Variants in NOL4L observed in about 807,000 individuals in gnomAD.
The protein encoded by NOL4L is nucleolar protein 4 like, also known as nucleolar protein 4-like.
In NOL4L, 7 loss-of-function variants were observed where a neutral mutation model predicts 64.5. The ratio of observed to expected loss-of-function variants is 0.11; its 90% CI spans 0.06 to 0.20. The LOEUF (loss-of-function observed/expected upper bound fraction) is 0.20, where lower values mean the gene tolerates loss of function less well. NOL4L is among the 10% of genes least tolerant of loss of function. The pLI, the probability that NOL4L is intolerant of heterozygous loss-of-function variation, is 1.00. For synonymous variants in NOL4L, 413 were observed against 401.0 expected, an observed-to-expected ratio of 1.03 and a Z score of -0.36; for missense variants, 680 against 967.1, an observed-to-expected ratio of 0.70 and a Z score of 3.94.
chr20:32,561,937 C>T (rs763999434), intron 1 of NOL4L, among the ~76,000 whole-genome samples: 1 of 152,046 alleles, frequency 6.6e-6, no homozygotes. Flanking sequence ...TGCAATGAGC[C>T]GTGGTCATGC....
At chr20:32,541,008 T>TACACACAC (rs10675320) in intron 1 of NOL4L, among the ~76,000 whole-genome samples, 17,156 of 133,418 alleles carry the variant, frequency 0.13, 1,401 homozygotes, top group East Asian at 0.19. Flanking sequence ...CGCCACCCCC[T>TACACACAC]ACACACACAC....
In NOL4L at chr20:32,490,697, T is replaced by C. The variant is rs188595143; in HGVS notation, c.700-15955A>G. Among the ~76,000 whole-genome samples the C allele has an allele frequency of 1.9e-3, 289 of 152,348 alleles. 4 individuals are homozygous for C. The highest frequency in any genetic ancestry group is 6.6e-3 in the African/African-American group (276 of 41,582). On this transcript the variant is annotated intron_variant, in intron 4 of 10. Transcript: ENST00000621426. ...ACGAATACAACTAACTGAGCCTGAC[T>C]TGTTGAAATACATTCTCCTGAAAAC...
At chr20:32,506,662 C>CAAAT (rs1044730750) in intron 4 of NOL4L, among the ~76,000 whole-genome samples, 2 of 152,046 alleles carry the variant, frequency 1.3e-5, no homozygotes. Context: ...ACTCCATCTC[C>CAAAT]AAATAAATAA....
At chr20:32,577,014 C>A (rs962989393) in intron 1 of NOL4L, among the ~76,000 whole-genome samples, 2 of 152,220 alleles carry the variant, frequency 1.3e-5, no homozygotes, top group African/African-American at 4.8e-5. Flanking sequence ...TCAGACAGAG[C>A]CCTGGAGCTC....
At chr20:32,489,069 A>C (rs1381513390) in intron 4 of NOL4L, among the ~76,000 whole-genome samples, 9 of 79,156 alleles carry the variant, frequency 1.1e-4, no homozygotes, top group African/African-American at 3.8e-4. Flanking sequence ...CTTTTTATTT[A>C]GTTTATGACA....
intron 4 of NOL4L, chr20:32,485,808 C>G: frequency 2.1e-6 from 1 of 469,498 alleles, no homozygotes. Flanking sequence ...CTTTCCCCAC[C>G]ACATTTTCAG....
chr20:32,454,839 G>A (rs929538931), intron 6 of NOL4L, among the ~76,000 whole-genome samples: 2 of 152,198 alleles, frequency 1.3e-5, no homozygotes, highest in Admixed American at 6.5e-5. Flanking sequence ...GGCACAGCCC[G>A]GAAGGGAACA....
At chr20:32,575,219 C>A (rs897808653) in intron 1 of NOL4L, among the ~76,000 whole-genome samples, 5 of 152,174 alleles carry the variant, frequency 3.3e-5, no homozygotes, top group African/African-American at 1.2e-4. Flanking sequence ...TCTCCTCCAT[C>A]TGGCCCCAAC....
intron 4 of NOL4L, among the ~76,000 whole-genome samples, chr20:32,489,751 G>C (rs1463356203): frequency 2.0e-5 from 3 of 150,358 alleles, no homozygotes; most frequent in Non-Finnish European, 4.4e-5. Context: ...CAGAGCTTGC[G>C]GTTAGCCGAG....
At chr20:32,582,298 C>T (rs1168214372) in intron 1 of NOL4L, among the ~76,000 whole-genome samples, 1 of 152,140 alleles carries the variant, frequency 6.6e-6, no homozygotes, top group African/African-American at 2.4e-5. Context: ...TTGGGGAGGG[C>T]TCATTATTGG....
rs900653164 is a variant in NOL4L, at chr20:32,447,098, C to T, written c.*498G>A. On this transcript the variant is annotated 3_prime_UTR_variant, in exon 11 of 11. Transcript: ENST00000621426. ...GGAATGTTAGGTATGGGGATACATCCTTCTGATCAGACAGACACAGACTAG... is the reference window on the plus strand; with the variant it reads ...GGAATGTTAGGTATGGGGATACATCTTTCTGATCAGACAGACACAGACTAG... 2 of 401,402 alleles carry T rather than the reference C, an allele frequency of 5.0e-6. No homozygotes were observed. The highest frequency in any genetic ancestry group is 9.9e-6 in the Non-Finnish European group (2 of 202,436). 24.9% of individuals were successfully genotyped at this position (401,402 alleles called of 1,614,324 possible).
At chr20:32,583,057 AG>A in intron 1 of NOL4L, among the ~76,000 whole-genome samples, 1 of 152,048 alleles carries the variant, frequency 6.6e-6, no homozygotes, top group Admixed American at 6.5e-5. Context: ...CCCCTCGGGG[AG>A]CCCGGTCCCG....
intron 1 of NOL4L, among the ~76,000 whole-genome samples, chr20:32,542,989 C>T (rs1458473705): frequency 2.1e-4 from 32 of 152,088 alleles, no homozygotes; most frequent in Admixed American, 2.0e-3. Flanking sequence ...CAGCCGTTCT[C>T]GATAAACACG....
At chr20:32,462,309 G>A (rs2014144528) in intron 5 of NOL4L, among the ~76,000 whole-genome samples, 1 of 152,212 alleles carries the variant, frequency 6.6e-6, no homozygotes, top group Non-Finnish European at 1.5e-5. Context: ...TCTCTGAGTA[G>A]TCCAGGGTCT....
chr20:32,467,849 G>A (rs1166719774), intron 5 of NOL4L, among the ~76,000 whole-genome samples: 1 of 152,218 alleles, frequency 6.6e-6, no homozygotes, highest in Non-Finnish European at 1.5e-5. Context: ...AGGCCAGGGA[G>A]GAGGCACACA....
At chr20:32,451,427 C>T (rs552847230) in intron 10 of NOL4L, 1 of 152,482 alleles carries the variant, frequency 6.6e-6, no homozygotes, top group Non-Finnish European at 1.5e-5. Flanking sequence ...CCCACTCCTC[C>T]CCTGCTTCCC....
chr20:32,450,824 A>AGGACAGCCACTCCACCTC (rs1375448150), intron 10 of NOL4L, among the ~76,000 whole-genome samples: 5 of 152,182 alleles, frequency 3.3e-5, no homozygotes, highest in Non-Finnish European at 5.9e-5. Context: ...GAGCCCGCCT[A>AGGACAGCCACTCCACCTC]GGACAGCCAC....
chr20:32,471,716 G>T (rs1027753517), intron 5 of NOL4L, among the ~76,000 whole-genome samples: 3 of 152,128 alleles, frequency 2.0e-5, no homozygotes, highest in Admixed American at 6.5e-5. Flanking sequence ...TGGGTCATGA[G>T]GGGCAGATTC....
At chr20:32,582,229 T>C (rs1980525493) in intron 1 of NOL4L, 1 of 152,186 alleles carries the variant, frequency 6.6e-6, no homozygotes, top group African/African-American at 2.4e-5. Flanking sequence ...GTCGATCTCC[T>C]GGCAGCCTGG....
Sources: gnomAD v4.1 joint callset for allele counts (sites outside exome capture counted in the v4.1 genomes callset) on GRCh38, gnomAD v4.1.1 for gene constraint, MANE v1.5 for transcripts, NCBI Gene and HGNC (gene_info 2026-07-23, HGNC 2026-07-21) for gene names.